SGTA: variants seen among roughly 807,000 people sequenced by gnomAD.
The protein encoded by SGTA is small glutamine rich tetratricopeptide repeat co-chaperone alpha, also known as small glutamine-rich tetratricopeptide repeat-containing protein alpha.
SGTA carries 22 observed loss-of-function variants against 44.3 expected under a neutral mutation model. The ratio of observed to expected loss-of-function variants is 0.50; its 90% CI spans 0.36 to 0.71. The LOEUF is 0.71. Ranked by LOEUF, SGTA falls within the 30% of genes least tolerant of loss-of-function variation. The pLI is 0.00. For synonymous variants in SGTA, 174 were observed against 177.6 expected (o/e 0.98, Z 0.16); for missense variants, 341 against 435.9 (o/e 0.78, Z 1.94).
At position 2,757,427 on chromosome 19, in the gene SGTA, C is replaced by T; in HGVS notation, c.858G>A (p.Gln286=). The T allele has an allele frequency of 1.2e-6, 2 of 1,608,972 alleles. No homozygotes were observed. Among genetic ancestry groups the T allele is most frequent in the Non-Finnish European group, 8.5e-7 (1 of 1,179,922 alleles). Reference sequence around the variant, plus strand: ...GCTGCTCTATCAACTCTGGGTTCTGCTGCTGCATCTGCTGGGCAAACTGCT... The same window carrying T: ...GCTGCTCTATCAACTCTGGGTTCTGTTGCTGCATCTGCTGGGCAAACTGCT... The part of the protein sequence containing the change: ...AGQQFAQQMQ[Q]QNPELIEQLR... Residue 286 remains glutamine (Q), a synonymous_variant, in exon 11 of 12, where the codon CAG becomes CAA. Coordinates refer to ENST00000221566, the MANE Select transcript of SGTA (RefSeq NM_003021.4).
intron 11 of SGTA, among the ~76,000 whole-genome samples, chr19:2,756,885 G>A (rs551334541): frequency 7.9e-5 from 12 of 152,222 alleles, no homozygotes; most frequent in Non-Finnish European, 1.6e-4. Context: ...AATGCAGGCA[G>A]AACGCTCGGG....
Position 2,761,436 on chromosome 19 carries a change from C to T in SGTA, c.699+24G>A, listed in dbSNP as rs767693690. The T allele has an allele frequency of 6.5e-7, 1 of 1,548,530 alleles. No individual in the cohort carries two copies. Among genetic ancestry groups the T allele is most frequent in the South Asian group, 1.2e-5 (1 of 84,004 alleles). On this transcript the variant is annotated intron_variant, in intron 8 of 11. Coordinates refer to ENST00000221566, the MANE Select transcript of SGTA (RefSeq NM_003021.4). This position sits in a 1 kb window ranked among gnomAD's most constrained non-coding sequence, Gnocchi z 5.7. ...TGGGGGGTGGCGCAGACACCATGGA[C>T]AGGGAGGAGGGGCGGGCCGTTACCA...
At chr19:2,772,824 G>T (rs10412264) in intron 1 of SGTA, among the ~76,000 whole-genome samples, 1 of 97,478 alleles carries the variant, frequency 1.0e-5, no homozygotes, top group African/African-American at 4.6e-5. Flanking sequence ...CGCGGCCACA[G>T]GGCAGGGACA....
chr19:2,779,708 C>T (rs1177208004), intron 1 of SGTA, among the ~76,000 whole-genome samples: 2 of 152,232 alleles, frequency 1.3e-5, no homozygotes, highest in Admixed American at 6.5e-5. Context: ...TTCAGCGTCC[C>T]TTTCGGCTCT....
intron 1 of SGTA, among the ~76,000 whole-genome samples, chr19:2,778,213 T>A (rs1365729690): frequency 1.3e-5 from 2 of 151,558 alleles, no homozygotes; most frequent in Non-Finnish European, 2.9e-5. Context: ...CTGAGGGGTG[T>A]GGGGGGCAGG....
chr19:2,772,404 G>C (rs997105027), intron 1 of SGTA, among the ~76,000 whole-genome samples: 1 of 152,236 alleles, frequency 6.6e-6, no homozygotes, highest in African/African-American at 2.4e-5. Flanking sequence ...CAGCACCCAG[G>C]AGGCCACGGC....
chr19:2,781,167 T>C (rs1028302789), intron 1 of SGTA, among the ~76,000 whole-genome samples: 23 of 152,114 alleles, frequency 1.5e-4, no homozygotes, highest in African/African-American at 5.3e-4. Context: ...AGAAAAAATG[T>C]AGAATTGAGT....
chr19:2,771,749 C>G (rs900689465), intron 1 of SGTA, among the ~76,000 whole-genome samples: 2 of 152,254 alleles, frequency 1.3e-5, no homozygotes, highest in African/African-American at 4.8e-5. Context: ...ATTTGGAGAA[C>G]CTGCTCTGAG....
intron 11 of SGTA, among the ~76,000 whole-genome samples, chr19:2,756,432 G>A (rs1383963781): frequency 2.0e-5 from 3 of 151,330 alleles, no homozygotes; most frequent in East Asian, 1.9e-4. Context: ...CTCCAGCCGG[G>A]GGGACAGAGC....
intron 8 of SGTA, among the ~76,000 whole-genome samples, chr19:2,760,285 G>A (rs1187123173): frequency 1.3e-5 from 2 of 151,964 alleles, no homozygotes; most frequent in South Asian, 2.1e-4. Flanking sequence ...TTGGGGGGCC[G>A]AGGCGGGTGG....
intron 1 of SGTA, among the ~76,000 whole-genome samples, chr19:2,769,614 C>T (rs1030933765): frequency 2.0e-5 from 3 of 152,214 alleles, no homozygotes; most frequent in African/African-American, 7.2e-5. Context: ...CTTAGGTACC[C>T]AACGGGGCCA....
Position 2,769,042 on chromosome 19 carries a change from G to A in SGTA, c.27C>T (p.Tyr9=), listed in dbSNP as rs779209014. MDNKKRLA[Y]AIIQFLHDQL... ...GGTCATGCAGGAACTGGATGATGGC[G>A]TAGGCCAGGCGCTTCTTGTTGTCCA... The change falls in exon 2 of 12, where the codon TAC becomes TAT. Residue 9 remains tyrosine (Y), a synonymous_variant. Coordinates refer to ENST00000221566, the MANE Select transcript of SGTA (RefSeq NM_003021.4). The A allele has an allele frequency of 2.7e-5, 43 of 1,613,872 alleles. No individual in the cohort carries two copies. Among genetic ancestry groups the A allele is most frequent in the Admixed American group, 5.0e-5 (3 of 60,000 alleles).
At chr19:2,760,442 T>C (rs1914952704) in intron 8 of SGTA, among the ~76,000 whole-genome samples, 1 of 131,748 alleles carries the variant, frequency 7.6e-6, no homozygotes, top group South Asian at 2.3e-4. Context: ...CGCTTGAACC[T>C]GGGAGGCGGA....
Position 2,765,822 on chromosome 19 carries a change from C to CG in SGTA, c.293-538dup, listed in dbSNP as rs565785883. 6.6e-5 allele frequency among the ~76,000 whole-genome samples: 10 copies of CG among 152,054 alleles called. No individual in the cohort carries two copies. Among genetic ancestry groups the CG allele is most frequent in the Non-Finnish European group, 1.2e-4 (8 of 68,038 alleles). On this transcript the variant is annotated intron_variant, in intron 4 of 11. Transcript: ENST00000221566. This position sits in a 1 kb window ranked among gnomAD's most constrained non-coding sequence, Gnocchi z 5.5. Reference sequence around the variant, plus strand: ...GAAGACAGAAACCCACTCCCGCCCCCGAGATCCCAATTCAGGAGGGCGTGG... The same window carrying CG: ...GAAGACAGAAACCCACTCCCGCCCCCGGAGATCCCAATTCAGGAGGGCGTGG...
At position 2,763,898 on chromosome 19, in the gene SGTA, T is replaced by C. The variant is rs1915071589; in HGVS notation, c.393-141A>G. 1.1e-5 allele frequency: 7 copies of C among 642,182 alleles called. No individual in the cohort carries two copies. Among genetic ancestry groups the C allele is most frequent in the Admixed American group, 2.8e-5 (1 of 36,146 alleles). 39.8% of individuals were successfully genotyped at this position (642,182 alleles called of 1,614,324 possible). Reference sequence around the variant, plus strand: ...GTTTTCCCCATCTGTAAAATGGGGCTGATGGGGAAAGCTGAGAGGTGTGGC... The same window carrying C: ...GTTTTCCCCATCTGTAAAATGGGGCCGATGGGGAAAGCTGAGAGGTGTGGC... On this transcript the variant is annotated intron_variant, in intron 5 of 11. Coordinates refer to ENST00000221566, the MANE Select transcript of SGTA (RefSeq NM_003021.4). The surrounding 1 kb of genome is among the most constrained non-coding windows in gnomAD (Gnocchi z 5.8).
intron 1 of SGTA, among the ~76,000 whole-genome samples, chr19:2,771,590 G>A (rs1214974152): frequency 1.3e-5 from 2 of 151,514 alleles, no homozygotes; most frequent in Non-Finnish European, 2.9e-5. Flanking sequence ...GGGGGGGGAG[G>A]GGTACGAGAC....
chr19:2,759,056 G>A (rs1904577541), intron 9 of SGTA, among the ~76,000 whole-genome samples: 1 of 151,458 alleles, frequency 6.6e-6, no homozygotes. Flanking sequence ...GCTCAATGGT[G>A]GTGACAGTTG....
chr19:2,776,197 A>T (rs554378050), intron 1 of SGTA, among the ~76,000 whole-genome samples: 1 of 152,210 alleles, frequency 6.6e-6, no homozygotes, highest in African/African-American at 2.4e-5. Flanking sequence ...AAACAGACAC[A>T]TGCCACCCGA....
rs982389252 is a variant in SGTA, at chr19:2,765,468, C to T, written c.293-183G>A. The stretch of plus-strand genomic sequence containing the variant: ...GAGGCATCTGCATCTATAGGGGGTT[C>T]GCTAGTCGCAAACAATCATATCTAC... On this transcript the variant is annotated intron_variant, in intron 4 of 11. Transcript: ENST00000221566. The surrounding 1 kb of genome is among the most constrained non-coding windows in gnomAD (Gnocchi z 5.5). 6.6e-6 allele frequency among the ~76,000 whole-genome samples: 1 copy of T among 152,090 alleles called. No individual in the cohort carries two copies. The highest frequency in any genetic ancestry group is 1.5e-5 in the Non-Finnish European group (1 of 68,026).
Sources: allele counts gnomAD v4.1 joint callset (sites outside exome capture counted in the v4.1 genomes callset), GRCh38; gene constraint gnomAD v4.1.1; non-coding constraint Gnocchi (gnomAD v3.1); transcripts MANE v1.5; gene names NCBI Gene and HGNC (gene_info 2026-07-23, HGNC 2026-07-21).